The following B3GLCT variants were observed in gnomAD, a reference collection of about 807,000 sequenced individuals.
The protein encoded by B3GLCT is beta-1,3-glucosyltransferase.
Under a neutral mutation model 63.4 loss-of-function variants are expected in B3GLCT, and 65 were observed. The observed-to-expected ratio is 1.03, with a 90% CI of 0.84 to 1.26. The LOEUF (loss-of-function observed/expected upper bound fraction) is 1.26, where lower values mean the gene tolerates loss of function less well. Among genes scored for constraint, B3GLCT ranks in the 50% most tolerant of loss-of-function variants. The pLI is 0.00. For synonymous variants in B3GLCT, 233 were observed against 219.2 expected (o/e 1.06, Z -0.55); for missense variants, 577 against 604.8 (o/e 0.95, Z 0.48).
At chr13:31,290,922 C>T (rs978261484) in intron 12 of B3GLCT, among the ~76,000 whole-genome samples, 8 of 152,124 alleles carry the variant, frequency 5.3e-5, no homozygotes, top group East Asian at 3.8e-4. Flanking sequence ...GTTTTAGTCA[C>T]GAAGTCTTTG....
At chr13:31,235,233 A>G (rs1870588526) in intron 4 of B3GLCT, among the ~76,000 whole-genome samples, 3 of 152,118 alleles carry the variant, frequency 2.0e-5, no homozygotes, top group Admixed American at 2.0e-4. Flanking sequence ...TTAGAGGGTG[A>G]TGATGACTTT....
chr13:31,309,394 A>C (rs1874579908), intron 12 of B3GLCT, among the ~76,000 whole-genome samples: 1 of 152,184 alleles, frequency 6.6e-6, no homozygotes, highest in Admixed American at 6.5e-5. Flanking sequence ...CAGTTCTGAC[A>C]CCATCTGCCT....
At chr13:31,255,667 A>T (rs1946368272) in intron 6 of B3GLCT, among the ~76,000 whole-genome samples, 1 of 152,214 alleles carries the variant, frequency 6.6e-6, no homozygotes, top group South Asian at 2.1e-4. Flanking sequence ...CAACCATCTG[A>T]TCTTTGACAA....
intron 6 of B3GLCT, among the ~76,000 whole-genome samples, chr13:31,255,829 A>G (rs2137821545): frequency 6.6e-6 from 1 of 152,346 alleles, no homozygotes; most frequent in South Asian, 2.1e-4. Flanking sequence ...GAGACCTAAA[A>G]CCATAAAAAC....
chr13:31,248,497 G>A (rs1024443146), intron 6 of B3GLCT, among the ~76,000 whole-genome samples: 17 of 152,302 alleles, frequency 1.1e-4, no homozygotes, highest in Non-Finnish European at 4.4e-5. Flanking sequence ...CTAGGGTGCT[G>A]TTAGAAGCAT....
At chr13:31,275,237 A>G (rs896096799) in intron 9 of B3GLCT, among the ~76,000 whole-genome samples, 4 of 152,228 alleles carry the variant, frequency 2.6e-5, no homozygotes, top group East Asian at 1.9e-4. Context: ...AGTAATAACA[A>G]TCATACAAGG....
intron 12 of B3GLCT, among the ~76,000 whole-genome samples, chr13:31,315,728 G>C (rs1283175491): frequency 6.6e-6 from 1 of 152,246 alleles, no homozygotes; most frequent in Admixed American, 6.5e-5. Flanking sequence ...CAAGACAATA[G>C]GGAAAATGTC....
intron 3 of B3GLCT, among the ~76,000 whole-genome samples, chr13:31,226,749 G>A (rs531526133): frequency 8.6e-5 from 13 of 151,988 alleles, no homozygotes; most frequent in African/African-American, 3.1e-4. Context: ...TTAACCTTTT[G>A]ATAGAGAAAT....
chr13:31,253,486 G>A (rs1361610894), intron 6 of B3GLCT, among the ~76,000 whole-genome samples: 3 of 151,286 alleles, frequency 2.0e-5, no homozygotes, highest in Admixed American at 6.6e-5. Context: ...CCAGCTACTC[G>A]GGAGGCTGAG....
intron 7 of B3GLCT, among the ~76,000 whole-genome samples, chr13:31,268,728 T>C (rs1471871165): frequency 3.9e-5 from 6 of 152,088 alleles, no homozygotes; most frequent in Non-Finnish European, 8.8e-5. Flanking sequence ...TTATTCTGTA[T>C]GGGAAAGGAG....
intron 12 of B3GLCT, 95 bp downstream of exon 12, chr13:31,286,914 A>G (rs1873364802): frequency 1.2e-6 from 1 of 817,992 alleles, no homozygotes; most frequent in African/African-American, 1.7e-5. Flanking sequence ...AGATGAAGTA[A>G]CGGGGACGGG....
chr13:31,310,957 C>A lies in B3GLCT; in HGVS notation c.1065-6609C>A, dbSNP rs553435362. 2.6e-5 allele frequency among the ~76,000 whole-genome samples: 4 copies of A among 152,326 alleles called. No homozygotes were observed. The South Asian group carries it at 6.2e-4, about 24-fold the overall frequency. On this transcript the variant is annotated intron_variant, in intron 12 of 14. Coordinates refer to ENST00000343307, the MANE Select transcript of B3GLCT (RefSeq NM_194318.4). ...GGCCAATAACATGAGCTAAGCATTG[C>A]CTGCCAGGCTTAATGGGCAGAGCAA... is the stretch of plus-strand genomic sequence containing the variant.
chr13:31,270,291 T>C (rs1408187683), intron 8 of B3GLCT, among the ~76,000 whole-genome samples: 18 of 152,260 alleles, frequency 1.2e-4, no homozygotes, highest in Admixed American at 1.2e-3. Flanking sequence ...CCAGCAGTGC[T>C]GATGGCCTTC....
At chr13:31,317,800 G>A (rs906558439) in intron 13 of B3GLCT, 115 bp downstream of exon 13, 31 of 1,271,970 alleles carry the variant, frequency 2.4e-5, no homozygotes, top group Non-Finnish European at 3.2e-5. Context: ...TGTGAATGGT[G>A]GTTGTTACTA....
intron 12 of B3GLCT, among the ~76,000 whole-genome samples, chr13:31,292,829 G>A (rs981207343): frequency 6.6e-6 from 1 of 151,530 alleles, no homozygotes; most frequent in African/African-American, 2.4e-5. Context: ...TCTGATCTTA[G>A]TTATTTCTTG....
chr13:31,255,335 A>C (rs1593276913), intron 6 of B3GLCT, among the ~76,000 whole-genome samples: 1 of 152,218 alleles, frequency 6.6e-6, no homozygotes, highest in African/African-American at 2.4e-5. Context: ...TTCCATGCTC[A>C]TGGATAGGAA....
At chr13:31,218,270 A>G (rs1213675301) in intron 2 of B3GLCT, among the ~76,000 whole-genome samples, 5 of 147,770 alleles carry the variant, frequency 3.4e-5, no homozygotes, top group South Asian at 4.4e-4. Context: ...GCTCACTACA[A>G]CCTCCGCCTC....
At chr13:31,269,428 T>A (rs938381722) in intron 8 of B3GLCT, 151 bp downstream of exon 8, 3 of 613,408 alleles carry the variant, frequency 4.9e-6, no homozygotes, top group Non-Finnish European at 8.8e-6. Flanking sequence ...GCGAATTAGG[T>A]GCTTTTATTT....
In B3GLCT at chr13:31,234,977, G is replaced by T. The variant is rs116507567; in HGVS notation, c.270+5683G>T. Among the ~76,000 whole-genome samples, 180 of 152,240 alleles carry T rather than the reference G, an allele frequency of 1.2e-3. 1 individual carries two copies. Among genetic ancestry groups the T allele is most frequent in the African/African-American group, 4.1e-3 (171 of 41,532 alleles). On this transcript the variant is annotated intron_variant, in intron 4 of 14. Transcript: ENST00000343307. ...GGGCGAGGAACCTCATTCTAAGGTC[G>T]TGGGACTAGTCTTGGGCCATGCTGC...
Sources: allele counts gnomAD v4.1 joint callset (sites outside exome capture counted in the v4.1 genomes callset), GRCh38; gene constraint gnomAD v4.1.1; transcripts MANE v1.5; gene names NCBI Gene and HGNC (gene_info 2026-07-23, HGNC 2026-07-21).